Variants in COLEC12 observed in about 807,000 individuals in gnomAD.
COLEC12 encodes collectin-12.
Under a neutral mutation model 71.1 loss-of-function variants are expected in COLEC12, and 33 were observed. That is an observed-to-expected ratio of 0.46 (90% confidence interval 0.35 to 0.62). The LOEUF is 0.62. Among genes scored for constraint, COLEC12 ranks in the 20% least tolerant of loss-of-function variants. The pLI is 0.00. For synonymous variants in COLEC12, 350 were observed against 353.0 expected, an observed-to-expected ratio of 0.99 and a Z score of 0.10; for missense variants, 765 against 916.1, an observed-to-expected ratio of 0.84 and a Z score of 2.13.
At chr18:444,272 CTG>C (rs1479725700) in intron 2 of COLEC12, among the ~76,000 whole-genome samples, 1 of 152,136 alleles carries the variant, frequency 6.6e-6, no homozygotes, top group African/African-American at 2.4e-5. Flanking sequence ...TATAAATTAA[CTG>C]TCTCTTTTTC....
At chr18:445,152 G>A (rs917919044) in intron 2 of COLEC12, among the ~76,000 whole-genome samples, 1 of 152,092 alleles carries the variant, frequency 6.6e-6, no homozygotes, top group Non-Finnish European at 1.5e-5. Context: ...ATTTTCATAC[G>A]GAGAACTGAC....
chr18:373,105 A>T (rs1915036811), intron 2 of COLEC12, among the ~76,000 whole-genome samples: 1 of 152,230 alleles, frequency 6.6e-6, no homozygotes, highest in African/African-American at 2.4e-5. Flanking sequence ...AGAGCCTCTT[A>T]GTTTTCCTCT....
chr18:329,049 T>A (rs1449155439), intron 8 of COLEC12, among the ~76,000 whole-genome samples: 2 of 152,108 alleles, frequency 1.3e-5, no homozygotes, highest in Admixed American at 1.3e-4. Context: ...AGCTGAGGAT[T>A]TGGGAGGCTC....
At chr18:455,969 C>A (rs1199030991) in intron 2 of COLEC12, among the ~76,000 whole-genome samples, 1 of 152,200 alleles carries the variant, frequency 6.6e-6, no homozygotes. Context: ...CAGCACAGCA[C>A]ACTTTAACTG....
intron 2 of COLEC12, among the ~76,000 whole-genome samples, chr18:466,382 T>C (rs9946353): frequency 0.38 from 57,223 of 151,964 alleles, 11,830 homozygotes; most frequent in South Asian, 0.59. Context: ...GCCCTCCGCC[T>C]TCTCCCAACA....
At chr18:415,535 T>G (rs1915970095) in intron 2 of COLEC12, among the ~76,000 whole-genome samples, 1 of 138,548 alleles carries the variant, frequency 7.2e-6, no homozygotes, top group Non-Finnish European at 1.6e-5. Context: ...TATTGTGGCT[T>G]ACTGAACTAT....
rs553483467 is a variant in COLEC12 at position 400,813 on chromosome 18, T to C, written c.59-43291A>G. ...GCGCATGTGTGCCACTATTTATTAT[T>C]GTTCTGGTAACATTTACTATTTTGG... is the stretch of plus-strand genomic sequence containing the variant. On this transcript the variant is annotated intron_variant, in intron 2 of 9. Coordinates refer to ENST00000400256, the MANE Select transcript of COLEC12 (RefSeq NM_130386.3). Among the ~76,000 whole-genome samples the C allele has an allele frequency of 3.9e-5, 6 of 152,350 alleles. No homozygotes were observed. In the South Asian group the frequency reaches 8.3e-4, roughly 21 times the overall value.
At chr18:416,165 C>A (rs181030682) in intron 2 of COLEC12, among the ~76,000 whole-genome samples, 1 of 152,274 alleles carries the variant, frequency 6.6e-6, no homozygotes, top group East Asian at 1.9e-4. Flanking sequence ...AAAAATCTAA[C>A]AGATAACAAT....
At chr18:445,570 A>C (rs1006819213) in intron 2 of COLEC12, among the ~76,000 whole-genome samples, 1 of 151,678 alleles carries the variant, frequency 6.6e-6, no homozygotes, top group Non-Finnish European at 1.5e-5. Context: ...CCAATTTTAG[A>C]ATATTTTCAT....
intron 5 of COLEC12, among the ~76,000 whole-genome samples, chr18:344,458 C>T (rs1914328323): frequency 6.6e-6 from 1 of 152,188 alleles, no homozygotes; most frequent in Non-Finnish European, 1.5e-5. Context: ...CCTCACAGTA[C>T]GTGGTTTCTA....
chr18:346,801 G>A lies in COLEC12; in HGVS notation c.821C>T (p.Ala274Val), dbSNP rs747935554. The change falls in exon 5 of 10, where the codon GCG becomes GTG. Residue 274 changes from alanine to valine, a missense_variant. Physicochemically the swap from Ala to Val is moderately conservative, Grantham distance 64. Coordinates refer to ENST00000400256, the MANE Select transcript of COLEC12 (RefSeq NM_130386.3). This position sits in a 1 kb window ranked among gnomAD's most constrained non-coding sequence, Gnocchi z 4.0. ...GGTGTCGTTGTTGGCTTTGGCCAAC[G>A]CAGAGTTGTTGGCAGCCAGCGTCTG... ...SLQTLAANNSALAKANNDTLE... is the reference protein window; with the variant it reads ...SLQTLAANNSVLAKANNDTLE... The A allele has an allele frequency of 2.5e-5, 40 of 1,614,164 alleles. No homozygotes were observed. Among genetic ancestry groups the A allele is most frequent in the Middle Eastern group, 1.6e-4 (1 of 6,062 alleles).
chr18:471,582 G>A (rs1051709068), intron 2 of COLEC12, among the ~76,000 whole-genome samples: 5 of 151,032 alleles, frequency 3.3e-5, no homozygotes, highest in East Asian at 1.9e-4. Flanking sequence ...TGAATAAATC[G>A]AATTTTTAAA....
At chr18:350,997 A>C (rs192439102) in intron 3 of COLEC12, among the ~76,000 whole-genome samples, 149 of 151,750 alleles carry the variant, frequency 9.8e-4, no homozygotes, top group Non-Finnish European at 2.0e-3. Flanking sequence ...AAATGAGAAC[A>C]TGCTTTATAT....
intron 2 of COLEC12, among the ~76,000 whole-genome samples, chr18:380,017 T>C (rs1300211700): frequency 1.3e-5 from 2 of 152,188 alleles, no homozygotes; most frequent in Non-Finnish European, 2.9e-5. Flanking sequence ...GAAAGAATCC[T>C]ACTTCCCTCT....
intron 2 of COLEC12, among the ~76,000 whole-genome samples, chr18:421,560 T>C (rs1240289456): frequency 6.6e-6 from 1 of 152,192 alleles, no homozygotes; most frequent in Non-Finnish European, 1.5e-5. Flanking sequence ...GAATTACATG[T>C]CTGCCTTTTT....
At chr18:414,616 A>C (rs184520162) in intron 2 of COLEC12, among the ~76,000 whole-genome samples, 1 of 151,592 alleles carries the variant, frequency 6.6e-6, no homozygotes, top group Non-Finnish European at 1.5e-5. Context: ...AAACAAACAA[A>C]CAAAAAACAA....
chr18:472,867 G>A (rs1250851403), intron 2 of COLEC12, among the ~76,000 whole-genome samples: 1 of 151,834 alleles, frequency 6.6e-6, no homozygotes, highest in Non-Finnish European at 1.5e-5. Context: ...AATGAGGACT[G>A]CTGGGCTTCA....
At chr18:347,496 T>C (rs1285423416) in intron 4 of COLEC12, among the ~76,000 whole-genome samples, 155 bp from the exon 5 acceptor site, 1 of 152,164 alleles carries the variant, frequency 6.6e-6, no homozygotes, top group Non-Finnish European at 1.5e-5. Context: ...AATGTACATA[T>C]CTATTAAAAC....
intron 2 of COLEC12, among the ~76,000 whole-genome samples, chr18:456,674 G>A (rs1008719308): frequency 1.4e-4 from 22 of 152,220 alleles, no homozygotes; most frequent in African/African-American, 5.3e-4. Flanking sequence ...GAGAATAAAC[G>A]ATGTAACCTG....
Sources: allele counts gnomAD v4.1 joint callset (sites outside exome capture counted in the v4.1 genomes callset), GRCh38; gene constraint gnomAD v4.1.1; non-coding constraint Gnocchi (gnomAD v3.1); transcripts MANE v1.5; gene names NCBI Gene and HGNC (gene_info 2026-07-23, HGNC 2026-07-21).